ATP6V1C2: variants seen among roughly 807,000 people sequenced by gnomAD.
The protein encoded by ATP6V1C2 is ATPase H+ transporting V1 subunit C2.
ATP6V1C2 carries 45 observed loss-of-function variants against 56.8 expected under a neutral mutation model. The observed-to-expected ratio is 0.79, with a 90% CI of 0.62 to 1.02. ATP6V1C2 has a LOEUF of 1.02. Among genes scored for constraint, ATP6V1C2 ranks in the 50% least tolerant of loss-of-function variants. ATP6V1C2 has a pLI of 0.00. For missense variants in ATP6V1C2, 463 were observed against 519.7 expected (o/e 0.89, Z 1.06); for synonymous variants, 220 against 201.3 (o/e 1.09, Z -0.79).
intron 3 of ATP6V1C2, among the ~76,000 whole-genome samples, chr2:10,737,626 A>G (rs1243230094): frequency 1.3e-5 from 2 of 152,028 alleles, no homozygotes; most frequent in African/African-American, 2.4e-5. Context: ...CATATTTGCT[A>G]TTTCATGTTT....
chr2:10,753,056 A>G (rs1663311599), intron 3 of ATP6V1C2, among the ~76,000 whole-genome samples: 1 of 152,222 alleles, frequency 6.6e-6, no homozygotes, highest in East Asian at 1.9e-4. Context: ...GGTAATTGGC[A>G]GAGTTGTGGC....
At chr2:10,748,663 T>G (rs1045527615) in intron 3 of ATP6V1C2, among the ~76,000 whole-genome samples, 1 of 152,224 alleles carries the variant, frequency 6.6e-6, no homozygotes, top group African/African-American at 2.4e-5. Flanking sequence ...CAGAGTTTAC[T>G]TTAGACAAAC....
In ATP6V1C2 at chr2:10,780,801, T is replaced by C. The variant is rs1273794685; in HGVS notation, c.1062-1442T>C. Among the ~76,000 whole-genome samples the C allele has an allele frequency of 6.6e-6, 1 of 151,380 alleles. No individual in the cohort carries two copies. The highest frequency in any genetic ancestry group is 1.9e-4 in the East Asian group (1 of 5,146). ...TGCTGTCGCCTAGGCTGGAGTGCAG[T>C]GGCACAATCTCAGCTCACTGCGACC... On this transcript the variant is annotated intron_variant, in intron 12 of 13. Coordinates refer to ENST00000272238, the MANE Select transcript of ATP6V1C2 (RefSeq NM_001039362.2). This position sits in a 1 kb window ranked among gnomAD's most constrained non-coding sequence, Gnocchi z 4.1.
At chr2:10,772,751 G>C (rs1256271262) in intron 8 of ATP6V1C2, 141 bp downstream of exon 8, 23 of 760,398 alleles carry the variant, frequency 3.0e-5, no homozygotes, top group Non-Finnish European at 4.8e-5. Context: ...CCTTGGCCTG[G>C]AATTCTGTCA....
chr2:10,750,240 C>T (rs901459558), intron 3 of ATP6V1C2, among the ~76,000 whole-genome samples: 1 of 152,084 alleles, frequency 6.6e-6, no homozygotes, highest in African/African-American at 2.4e-5. Flanking sequence ...CAGAAGGGCA[C>T]GTGTGATGGC....
At chr2:10,754,192 C>A in intron 4 of ATP6V1C2, 126 bp downstream of exon 4, 1 of 685,596 alleles carries the variant, frequency 1.5e-6, no homozygotes, top group African/African-American at 1.8e-5. Context: ...TCTGGATTGA[C>A]ACATTGGGCA....
chr2:10,755,224 C>T lies in ATP6V1C2; in HGVS notation c.283+1158C>T, dbSNP rs547584015. ...GCTAGTTTTGTATTTTTAGTAGAGA[C>T]GGGGTTTCTCCATGTTGGTCAGGCT... On this transcript the variant is annotated intron_variant, in intron 4 of 13. Transcript: ENST00000272238. 1.7e-3 allele frequency among the ~76,000 whole-genome samples: 258 copies of T among 151,714 alleles called. 1 individual carries two copies. Among genetic ancestry groups the T allele is most frequent in the African/African-American group, 2.5e-3 (103 of 41,500 alleles).
intron 10 of ATP6V1C2, 122 bp from the exon 11 acceptor site, chr2:10,777,463 G>A: frequency 7.6e-7 from 1 of 1,319,586 alleles, no homozygotes; most frequent in South Asian, 1.4e-5. Flanking sequence ...CAGCACGCGA[G>A]TCCCGAGGGT....
chr2:10,745,628 A>G (rs1662867495), intron 3 of ATP6V1C2, among the ~76,000 whole-genome samples: 1 of 152,174 alleles, frequency 6.6e-6, no homozygotes, highest in Non-Finnish European at 1.5e-5. Context: ...GGCATGAGCC[A>G]CCACGCCCGG....
At chr2:10,781,931 G>A (rs1342575680) in intron 12 of ATP6V1C2, among the ~76,000 whole-genome samples, 1 of 152,162 alleles carries the variant, frequency 6.6e-6, no homozygotes, top group Admixed American at 6.5e-5. Flanking sequence ...CAAACGCCTT[G>A]GAGTCCGAAT....
Position 10,772,518 on chromosome 2 carries a change from C to A in ATP6V1C2, c.570-24C>A, listed in dbSNP as rs757616781. 3.1e-6 allele frequency: 5 copies of A among 1,605,448 alleles called. No homozygotes were observed. In the East Asian group the frequency reaches 8.9e-5, roughly 29 times the overall value. ...CACGAGCCTTTTCTGCAAAAAATCA[C>A]GTAACGATTCTATGTTCTTGCAGAC... On this transcript the variant is annotated intron_variant, in intron 7 of 13. Coordinates refer to ENST00000272238, the MANE Select transcript of ATP6V1C2 (RefSeq NM_001039362.2).
At chr2:10,762,509 G>C (rs541539326) in intron 4 of ATP6V1C2, among the ~76,000 whole-genome samples, 1 of 152,246 alleles carries the variant, frequency 6.6e-6, no homozygotes, top group Non-Finnish European at 1.5e-5. Flanking sequence ...AGTGCCAGCC[G>C]CTTTAATGGT....
At chr2:10,723,115 G>C (rs1661450952) in intron 2 of ATP6V1C2, 137 bp downstream of exon 2, 18 of 1,081,162 alleles carry the variant, frequency 1.7e-5, no homozygotes, top group Admixed American at 2.6e-5. Flanking sequence ...GCTGAGGTTT[G>C]AGGATGGACG....
intron 5 of ATP6V1C2, among the ~76,000 whole-genome samples, chr2:10,766,373 T>C (rs1227974628): frequency 6.6e-6 from 1 of 152,188 alleles, no homozygotes; most frequent in East Asian, 1.9e-4. Flanking sequence ...CATCTCACAA[T>C]AATTCCAGGC....
At chr2:10,726,462 A>C in intron 2 of ATP6V1C2, 40 bp from the exon 3 acceptor site, 1 of 1,548,550 alleles carries the variant, frequency 6.5e-7, no homozygotes, top group Non-Finnish European at 8.9e-7. Context: ...ATGCTTGGCC[A>C]GAAACCTGTG....
chr2:10,723,934 G>T (rs896293781), intron 2 of ATP6V1C2, among the ~76,000 whole-genome samples: 1 of 150,714 alleles, frequency 6.6e-6, no homozygotes, highest in Non-Finnish European at 1.5e-5. Flanking sequence ...GCTAATTTTT[G>T]TATTATTAGT....
intron 6 of ATP6V1C2, among the ~76,000 whole-genome samples, chr2:10,769,507 C>G (rs1057075378): frequency 6.6e-6 from 1 of 152,048 alleles, no homozygotes; most frequent in Non-Finnish European, 1.5e-5. Context: ...AGTTTGAGAC[C>G]AGTCTGGCCA....
chr2:10,757,089 C>T (rs1031822906), intron 4 of ATP6V1C2, among the ~76,000 whole-genome samples: 3 of 143,968 alleles, frequency 2.1e-5, no homozygotes, highest in African/African-American at 5.2e-5. Flanking sequence ...CTCAGCTCAC[C>T]GCAACCTCTG....
chr2:10,764,212 G>A (rs1056983252), intron 4 of ATP6V1C2, 119 bp from the exon 5 acceptor site: 40 of 836,288 alleles, frequency 4.8e-5, no homozygotes, highest in African/African-American at 3.2e-4. Flanking sequence ...CCTGCCCGCC[G>A]GCGTTGCCCA....
Sources: allele counts gnomAD v4.1 joint callset (sites outside exome capture counted in the v4.1 genomes callset), GRCh38; gene constraint gnomAD v4.1.1; non-coding constraint Gnocchi (gnomAD v3.1); transcripts MANE v1.5; gene names NCBI Gene and HGNC (gene_info 2026-07-23, HGNC 2026-07-21).